SFMBT2: variants seen among roughly 807,000 people sequenced by gnomAD.
SFMBT2 encodes Scm like with four mbt domains 2, also known as scm-like with four MBT domains protein 2.
A neutral mutation model predicts 110.1 loss-of-function variants in SFMBT2; 38 were observed. That is an observed-to-expected ratio of 0.35 (90% confidence interval 0.27 to 0.45). The LOEUF (loss-of-function observed/expected upper bound fraction) is 0.45. Ranked by LOEUF, SFMBT2 falls within the 20% of genes least tolerant of loss-of-function variation. The pLI is 1.00. For synonymous variants in SFMBT2, 425 were observed against 425.4 expected, an observed-to-expected ratio of 1.00 and a Z score of 0.01; for missense variants, 1,011 against 1,094.9, an observed-to-expected ratio of 0.92 and a Z score of 1.08.
In SFMBT2 at chr10:7,171,446, C is replaced by T; in HGVS notation, c.2416-390G>A. ...TTCTGTAATGGTGGTGCCAGTGGCC[C>T]TTTCTGCTGATCTCACACCACCCAT... is the stretch of plus-strand genomic sequence containing the variant. On this transcript the variant is annotated intron_variant, in intron 19 of 20. Transcript: ENST00000397167. The surrounding 1 kb of genome is among the most constrained non-coding windows in gnomAD (Gnocchi z 4.9). 1 of 985,430 alleles carries T rather than the reference C, an allele frequency of 1.0e-6. No individual in the cohort carries two copies. Among genetic ancestry groups the T allele is most frequent in the Non-Finnish European group, 1.2e-6 (1 of 829,940 alleles). 61.0% of individuals were successfully genotyped at this position (985,430 alleles called of 1,614,324 possible). A position where few individuals can be genotyped will look rare whatever the true frequency, so the allele number is the denominator to read the frequency against.
chr10:7,166,506 G>A (rs1837697854), intron 20 of SFMBT2, among the ~76,000 whole-genome samples: 1 of 152,210 alleles, frequency 6.6e-6, no homozygotes, highest in Non-Finnish European at 1.5e-5. Context: ...AATATTTATT[G>A]AGCATCTACT....
In SFMBT2 at chr10:7,220,478, AT is replaced by A. The variant is rs1839691223; in HGVS notation, c.1262del (p.Asn421IlefsTer11). 1 of 1,614,128 alleles carries A rather than the reference AT, an allele frequency of 6.2e-7. No individual in the cohort carries two copies. On this transcript the variant is annotated frameshift_variant, in exon 11 of 21. Transcript: ENST00000397167. LOFTEE classifies it high-confidence loss of function. ...NMKLEAVNPR[N>X]PGELCVASVV... ...CGGAGGCCACACACAGTTCTCCTGG[AT>A]TCCTGGGGTTCACAGCTTCAAGTTT...
At chr10:7,232,699 T>C (rs1840139827) in intron 9 of SFMBT2, among the ~76,000 whole-genome samples, 1 of 152,234 alleles carries the variant, frequency 6.6e-6, no homozygotes, top group Admixed American at 6.5e-5. Context: ...GGTGGGACTC[T>C]TGGCTACTTT....
intron 7 of SFMBT2, among the ~76,000 whole-genome samples, chr10:7,267,150 C>G (rs1163232384): frequency 6.6e-6 from 1 of 152,150 alleles, no homozygotes; most frequent in Non-Finnish European, 1.5e-5. Flanking sequence ...GTCTAAGGAA[C>G]TGCCCTGGTA....
chr10:7,312,122 A>G (rs1018851214), intron 4 of SFMBT2, among the ~76,000 whole-genome samples: 4 of 152,146 alleles, frequency 2.6e-5, no homozygotes, highest in African/African-American at 9.7e-5. Context: ...GAAATACCTA[A>G]TGTTAATGAT....
intron 10 of SFMBT2, among the ~76,000 whole-genome samples, chr10:7,223,545 GT>G (rs1038735463): frequency 5.9e-5 from 9 of 151,954 alleles, no homozygotes; most frequent in African/African-American, 2.2e-4. Flanking sequence ...CCCATCTTCT[GT>G]TTTTCAGACA....
chr10:7,321,815 T>A (rs1321418351), intron 4 of SFMBT2, among the ~76,000 whole-genome samples: 5 of 152,240 alleles, frequency 3.3e-5, no homozygotes, highest in African/African-American at 1.2e-4. Context: ...ACTGAGTCCA[T>A]CCATTAAAAT....
rs1304799052 is a variant in SFMBT2, at chr10:7,301,667, G to C, written c.437-15713C>G. 6.6e-6 allele frequency among the ~76,000 whole-genome samples: 1 copy of C among 152,130 alleles called. No homozygotes were observed. Among genetic ancestry groups the C allele is most frequent in the East Asian group, 1.9e-4 (1 of 5,180 alleles). Reference sequence around the variant, plus strand: ...GAGGGAGGAGCTGCAGCTCCAAGTTGGGCCATTTACTATTCTGAAACGCAG... The same window carrying C: ...GAGGGAGGAGCTGCAGCTCCAAGTTCGGCCATTTACTATTCTGAAACGCAG... On this transcript the variant is annotated intron_variant, in intron 4 of 20. Coordinates refer to ENST00000397167, the MANE Select transcript of SFMBT2 (RefSeq NM_001387889.1). This position sits in a 1 kb window ranked among gnomAD's most constrained non-coding sequence, Gnocchi z 4.2.
chr10:7,193,541 G>C (rs1464436768), intron 15 of SFMBT2, among the ~76,000 whole-genome samples: 2 of 151,982 alleles, frequency 1.3e-5, no homozygotes, highest in Non-Finnish European at 2.9e-5. Context: ...AGTCGTTTCT[G>C]CCAGGAGCGC....
Position 7,171,576 on chromosome 10 carries a change from C to A in SFMBT2, c.2415+319G>T. ...AGACACAGCGCAGTCAGGGGAGATG[C>A]GGGGAAGGAATTTCTGGAAACCCAG... is the stretch of plus-strand genomic sequence containing the variant. On this transcript the variant is annotated intron_variant, in intron 19 of 20. Coordinates refer to ENST00000397167, the MANE Select transcript of SFMBT2 (RefSeq NM_001387889.1). The surrounding 1 kb of genome is among the most constrained non-coding windows in gnomAD (Gnocchi z 4.9). 1.0e-6 allele frequency: 1 copy of A among 985,214 alleles called. No homozygotes were observed. Among genetic ancestry groups the A allele is most frequent in the Non-Finnish European group, 1.2e-6 (1 of 829,810 alleles). 61.0% of individuals were successfully genotyped at this position (985,214 alleles called of 1,614,324 possible). A position where few individuals can be genotyped will look rare whatever the true frequency, so the allele number is the denominator to read the frequency against.
intron 4 of SFMBT2, among the ~76,000 whole-genome samples, chr10:7,358,985 G>C (rs1372574112): frequency 6.6e-5 from 10 of 152,232 alleles, no homozygotes; most frequent in Non-Finnish European, 1.5e-4. Context: ...GCTTGGATAG[G>C]AGGCCAGAGC....
intron 9 of SFMBT2, chr10:7,228,378 A>T (rs1428981474): frequency 4.6e-5 from 20 of 431,126 alleles, no homozygotes; most frequent in Non-Finnish European, 5.1e-5. Context: ...TAAAAAATTA[A>T]AAAAAAAAAA....
At chr10:7,220,826 C>CTTTCTT (rs756388926) in intron 10 of SFMBT2, among the ~76,000 whole-genome samples, 2,307 of 146,306 alleles carry the variant, frequency 0.016, 78 homozygotes, top group African/African-American at 0.053. Flanking sequence ...ACCCTTCCTT[C>CTTTCTT]TTTTTTTTTT....
chr10:7,334,255 C>T (rs964991375), intron 4 of SFMBT2, among the ~76,000 whole-genome samples: 1 of 152,148 alleles, frequency 6.6e-6, no homozygotes, highest in Non-Finnish European at 1.5e-5. Flanking sequence ...AGAAACCCAC[C>T]GTGCAGCCTC....
At chr10:7,187,760 T>C (rs1200819985) in intron 16 of SFMBT2, among the ~76,000 whole-genome samples, 4 of 152,250 alleles carry the variant, frequency 2.6e-5, no homozygotes, top group African/African-American at 7.2e-5. Context: ...ATTTTCACTA[T>C]GAATAGGGCA....
In SFMBT2 at chr10:7,356,261, G is replaced by A. The variant is rs549782812; in HGVS notation, c.436+11388C>T. ...AGGCCCCTCTCATCCTCGTGGAAGTGTAATGCTAACCTCAAAGGCTGCTCA... is the reference window on the plus strand; with the variant it reads ...AGGCCCCTCTCATCCTCGTGGAAGTATAATGCTAACCTCAAAGGCTGCTCA... On this transcript the variant is annotated intron_variant, in intron 4 of 20. Coordinates refer to ENST00000397167, the MANE Select transcript of SFMBT2 (RefSeq NM_001387889.1). Among the ~76,000 whole-genome samples the A allele has an allele frequency of 1.6e-4, 25 of 152,298 alleles. No homozygotes were observed. The South Asian group carries it at 3.1e-3, about 19-fold the overall frequency.
intron 4 of SFMBT2, among the ~76,000 whole-genome samples, chr10:7,350,056 G>A (rs2767693): frequency 0.068 from 10,326 of 152,134 alleles, 483 homozygotes; most frequent in Non-Finnish European, 0.11. Flanking sequence ...TCAGGGCCCC[G>A]GGAGGCACTG....
At chr10:7,277,973 C>T (rs1588411595) in intron 6 of SFMBT2, among the ~76,000 whole-genome samples, 1 of 152,210 alleles carries the variant, frequency 6.6e-6, no homozygotes, top group Admixed American at 6.5e-5. Flanking sequence ...CCTGTTTCCG[C>T]AGTTTATTCA....
At chr10:7,176,197 C>T (rs2131542241) in intron 16 of SFMBT2, 32 bp from the exon 17 acceptor site, 1 of 1,608,230 alleles carries the variant, frequency 6.2e-7, no homozygotes, top group Non-Finnish European at 8.5e-7. Context: ...AAAGCGAGGG[C>T]AAGACCAGAT....
Sources: allele counts gnomAD v4.1 joint callset (sites outside exome capture counted in the v4.1 genomes callset), GRCh38; gene constraint gnomAD v4.1.1; non-coding constraint Gnocchi (gnomAD v3.1); transcripts MANE v1.5; gene names NCBI Gene and HGNC (gene_info 2026-07-23, HGNC 2026-07-21).